ADTRP: variants seen among roughly 807,000 people sequenced by gnomAD.
The protein encoded by ADTRP is androgen-dependent TFPI-regulating protein.
ADTRP carries 20 observed loss-of-function variants against 27.0 expected under a neutral mutation model. The ratio of observed to expected loss-of-function variants is 0.74; its 90% CI spans 0.52 to 1.08. The LOEUF (loss-of-function observed/expected upper bound fraction) is 1.08, where lower values mean the gene tolerates loss of function less well. ADTRP is among the 50% of genes least tolerant of loss of function. The pLI is 0.00. For missense variants in ADTRP, 251 were observed against 275.0 expected (o/e 0.91, Z 0.62); for synonymous variants, 101 against 105.2 (o/e 0.96, Z 0.25).
rs559285917 is a variant in ADTRP, at chr6:11,743,915, C to A, written c.391-8232G>T. ...AGCTGGTGACCTTAAGGATTTCTCACAGCTGTAAATGGCACGCCAAAGCTT... is the reference window on the plus strand; with the variant it reads ...AGCTGGTGACCTTAAGGATTTCTCAAAGCTGTAAATGGCACGCCAAAGCTT... On this transcript the variant is annotated intron_variant, in intron 3 of 5. Transcript: ENST00000414691. Among the ~76,000 whole-genome samples the A allele has an allele frequency of 4.6e-5, 7 of 152,336 alleles. No homozygotes were observed. The South Asian group carries it at 1.4e-3, about 32-fold the overall frequency.
At chr6:11,724,100 TCG>T (rs1447488910) in intron 4 of ADTRP, among the ~76,000 whole-genome samples, 1 of 149,394 alleles carries the variant, frequency 6.7e-6, no homozygotes, top group East Asian at 1.9e-4. Context: ...CATAGAACCA[TCG>T]TTAGCTAAAG....
chr6:11,770,115 A>T, intron 1 of ADTRP: 1 of 1,545,584 alleles, frequency 6.5e-7, no homozygotes, highest in Non-Finnish European at 8.8e-7. Context: ...AAAAATTATC[A>T]GGTTTCTGAG....
intron 1 of ADTRP, among the ~76,000 whole-genome samples, chr6:11,771,948 C>CA (rs1242034643): frequency 6.6e-6 from 1 of 152,180 alleles, no homozygotes; most frequent in African/African-American, 2.4e-5. Context: ...ATGAGAAAAT[C>CA]AATTTCTGTT....
chr6:11,776,647 G>A (rs551050251), intron 1 of ADTRP, among the ~76,000 whole-genome samples: 2 of 152,348 alleles, frequency 1.3e-5, no homozygotes, highest in African/African-American at 4.8e-5. Flanking sequence ...GCAATGTGGT[G>A]GAGAGAGGTA....
At chr6:11,757,192 C>G (rs1205336299) in intron 3 of ADTRP, among the ~76,000 whole-genome samples, 2 of 152,154 alleles carry the variant, frequency 1.3e-5, no homozygotes, top group Non-Finnish European at 2.9e-5. Flanking sequence ...GTCTGAAATT[C>G]AGGGAGAGCT....
At chr6:11,757,667 T>C (rs1763257076) in intron 3 of ADTRP, among the ~76,000 whole-genome samples, 1 of 152,154 alleles carries the variant, frequency 6.6e-6, no homozygotes, top group Non-Finnish European at 1.5e-5. Flanking sequence ...GGCACATATC[T>C]GCAAGGAGGA....
intron 3 of ADTRP, among the ~76,000 whole-genome samples, chr6:11,740,356 A>T (rs1460122890): frequency 1.3e-5 from 2 of 151,956 alleles, no homozygotes; most frequent in Admixed American, 1.3e-4. Context: ...ATTAAGGAGG[A>T]TTTCTTTTGT....
intron 5 of ADTRP, chr6:11,717,190 G>A (rs1761860493): frequency 4.8e-6 from 5 of 1,045,532 alleles, no homozygotes; most frequent in African/African-American, 1.7e-5. Context: ...ATTTTTCCCA[G>A]TAGAAAGTAT....
At chr6:11,729,370 A>G (rs1031739665) in intron 4 of ADTRP, among the ~76,000 whole-genome samples, 1 of 151,682 alleles carries the variant, frequency 6.6e-6, no homozygotes, top group Non-Finnish European at 1.5e-5. Context: ...CTGTTGCCCA[A>G]CCCCTCCCTG....
chr6:11,740,142 G>T (rs1223834676), intron 3 of ADTRP, among the ~76,000 whole-genome samples: 3 of 152,076 alleles, frequency 2.0e-5, no homozygotes, highest in East Asian at 1.9e-4. Context: ...ATCACCTGCT[G>T]CATATTTGCC....
intron 3 of ADTRP, among the ~76,000 whole-genome samples, chr6:11,746,659 A>G (rs1187363859): frequency 1.3e-5 from 2 of 152,216 alleles, no homozygotes; most frequent in African/African-American, 4.8e-5. Context: ...TCCAGAGGTA[A>G]GGAAAAGAGG....
intron 3 of ADTRP, among the ~76,000 whole-genome samples, chr6:11,751,022 T>C (rs1239495521): frequency 1.3e-5 from 2 of 152,178 alleles, no homozygotes; most frequent in Admixed American, 1.3e-4. Context: ...TGGCTAATTT[T>C]TGTATTTTTT....
chr6:11,738,226 C>A (rs1762608000), intron 3 of ADTRP, among the ~76,000 whole-genome samples: 1 of 152,186 alleles, frequency 6.6e-6, no homozygotes, highest in Admixed American at 6.5e-5. Flanking sequence ...TCCATGGCTT[C>A]AGGTGCTTAG....
chr6:11,718,847 A>G (rs918557062), intron 5 of ADTRP, among the ~76,000 whole-genome samples: 2 of 152,204 alleles, frequency 1.3e-5, no homozygotes, highest in African/African-American at 4.8e-5. Flanking sequence ...GCCTCAGTGC[A>G]TTCTTGAAGG....
Position 11,768,396 on chromosome 6 carries a change from C to G in ADTRP, c.154-13G>C, listed in dbSNP as rs1364138761. ...TGGTCTGCAAGAGCTAAATCCATTA[C>G]AACAAATGAGGGCATTTTCATTTAC... On this transcript the variant is annotated splice_polypyrimidine_tract_variant and intron_variant, in intron 1 of 5. Coordinates refer to ENST00000414691, the MANE Select transcript of ADTRP (RefSeq NM_032744.4). 6.2e-7 allele frequency: 1 copy of G among 1,613,440 alleles called. No individual in the cohort carries two copies. The highest frequency in any genetic ancestry group is 8.5e-7 in the Non-Finnish European group (1 of 1,179,824).
At chr6:11,767,974 T>TAAGA (rs1180780450) in intron 2 of ADTRP, among the ~76,000 whole-genome samples, 1 of 152,210 alleles carries the variant, frequency 6.6e-6, no homozygotes, top group South Asian at 2.1e-4. Context: ...GTATTTTGAT[T>TAAGA]AAGAAAGGTC....
chr6:11,738,067 G>T (rs141985126), intron 3 of ADTRP, among the ~76,000 whole-genome samples: 5 of 152,330 alleles, frequency 3.3e-5, no homozygotes, highest in African/African-American at 4.8e-5. Flanking sequence ...CTGCTATGGG[G>T]ATTGACGTGA....
At chr6:11,775,404 C>G (rs754587232) in intron 1 of ADTRP, among the ~76,000 whole-genome samples, 1 of 151,864 alleles carries the variant, frequency 6.6e-6, no homozygotes, top group Non-Finnish European at 1.5e-5. Context: ...ATTTGACAGA[C>G]GTGGAAATGA....
At position 11,720,533 on chromosome 6, in the gene ADTRP, G is replaced by A. The variant is rs549032378; in HGVS notation, c.658+2816C>T. Among the ~76,000 whole-genome samples, 5 of 151,538 alleles carry A rather than the reference G, an allele frequency of 3.3e-5. No homozygotes were observed. The East Asian group carries it at 7.8e-4, about 24-fold the overall frequency. ...GTCACCCAGGCTGGAGTGCAGTGGCGCGATCTCGGCTCACTGCAAGCTCCG... is the reference window on the plus strand; with the variant it reads ...GTCACCCAGGCTGGAGTGCAGTGGCACGATCTCGGCTCACTGCAAGCTCCG... On this transcript the variant is annotated intron_variant, in intron 5 of 5. Coordinates refer to ENST00000414691, the MANE Select transcript of ADTRP (RefSeq NM_032744.4).
Sources: gnomAD v4.1 joint callset for allele counts (sites outside exome capture counted in the v4.1 genomes callset) on GRCh38, gnomAD v4.1.1 for gene constraint, MANE v1.5 for transcripts, NCBI Gene and HGNC (gene_info 2026-07-23, HGNC 2026-07-21) for gene names.